The following OSBPL11 variants were observed in gnomAD, a reference collection of about 807,000 sequenced individuals.
OSBPL11 encodes oxysterol binding protein like 11, also known as oxysterol-binding protein-related protein 11.
OSBPL11 carries 33 observed loss-of-function variants against 84.4 expected under a neutral mutation model. The ratio of observed to expected loss-of-function variants is 0.39; its 90% confidence interval spans 0.30 to 0.52. The LOEUF (loss-of-function observed/expected upper bound fraction) is 0.52. OSBPL11 is among the 20% of genes least tolerant of loss of function. OSBPL11 has a pLI of 0.72. For synonymous variants in OSBPL11, 276 were observed against 310.2 expected (o/e 0.89, Z 1.16); for missense variants, 736 against 901.1 (o/e 0.82, Z 2.35).
chr3:125,563,096 A>G (rs1255999254), intron 7 of OSBPL11, among the ~76,000 whole-genome samples: 1 of 152,232 alleles, frequency 6.6e-6, no homozygotes, highest in African/African-American at 2.4e-5. Context: ...TTATCAAGTA[A>G]AAATAGCTTA....
At chr3:125,560,678 T>A (rs2107599553) in intron 7 of OSBPL11, among the ~76,000 whole-genome samples, 159 bp from the exon 8 acceptor site, 1 of 152,370 alleles carries the variant, frequency 6.6e-6, no homozygotes. Context: ...TTGTCCATGG[T>A]ATAAATTTCC....
At chr3:125,577,494 T>C (rs958636981) in intron 4 of OSBPL11, among the ~76,000 whole-genome samples, 2 of 152,126 alleles carry the variant, frequency 1.3e-5, no homozygotes, top group African/African-American at 4.8e-5. Context: ...ATAATAATTT[T>C]TTTAAAGGAC....
intron 11 of OSBPL11, among the ~76,000 whole-genome samples, chr3:125,535,978 CA>C (rs967790055): frequency 6.6e-6 from 1 of 151,296 alleles, no homozygotes; most frequent in African/African-American, 2.4e-5. Context: ...ATTAAAAATA[CA>C]AAAAAATCAG....
intron 10 of OSBPL11, among the ~76,000 whole-genome samples, chr3:125,542,540 A>G (rs1935746634): frequency 7.3e-6 from 1 of 136,230 alleles, no homozygotes. Context: ...ACGTAGCCTC[A>G]CTTTGCCGCC....
intron 10 of OSBPL11, among the ~76,000 whole-genome samples, chr3:125,545,178 ACTGT>A (rs1206032471): frequency 1.1e-4 from 16 of 152,354 alleles, no homozygotes; most frequent in East Asian, 5.8e-4. Context: ...TGAAGAAGAC[ACTGT>A]CTGTTATTTT....
In OSBPL11 at chr3:125,595,029, G is replaced by C. The variant is rs565689503; in HGVS notation, c.-229C>G. 79 of 476,014 alleles carry C rather than the reference G, an allele frequency of 1.7e-4. No homozygotes were observed. Among genetic ancestry groups the C allele is most frequent in the Non-Finnish European group, 2.5e-4 (66 of 265,308 alleles). 29.5% of individuals were successfully genotyped at this position (476,014 alleles called of 1,614,324 possible). On this transcript the variant is annotated 5_prime_UTR_variant, in exon 1 of 13. The change creates a premature stop within an existing upstream ORF in the 5' untranslated region. Transcript: ENST00000296220. Reference sequence around the variant, plus strand: ...CAACGAGGACAGATATCCTTCACATGTATCTCTCTCCTTTCCGGCAAAAGC... The same window carrying C: ...CAACGAGGACAGATATCCTTCACATCTATCTCTCTCCTTTCCGGCAAAAGC...
chr3:125,594,562 T>C (rs770206172), intron 1 of OSBPL11, 75 bp downstream of exon 1: 17 of 1,513,888 alleles, frequency 1.1e-5, no homozygotes, highest in African/African-American at 2.8e-5. Context: ...CTTTCAACAA[T>C]TGCGGGATGC....
rs774720478 is a variant in OSBPL11, at chr3:125,594,801, C to T, written c.-1G>A. On this transcript the variant is annotated 5_prime_UTR_variant, in exon 1 of 13. Transcript: ENST00000296220. ...TGGACACTGGTTCACCCCCCTGCAT[C>T]TTAACGCCAAAGTCCACTTGCCCTT... The T allele has an allele frequency of 2.7e-5, 43 of 1,613,054 alleles. No individual in the cohort carries two copies. Among genetic ancestry groups the T allele is most frequent in the Non-Finnish European group, 3.6e-5 (43 of 1,179,368 alleles).
intron 5 of OSBPL11, 57 bp downstream of exon 5, chr3:125,576,132 A>C: frequency 6.6e-7 from 1 of 1,512,318 alleles, no homozygotes; most frequent in African/African-American, 1.4e-5. Context: ...TTTTGTGACA[A>C]AACCAAGCAG....
At chr3:125,566,108 C>T (rs1371167869) in intron 6 of OSBPL11, among the ~76,000 whole-genome samples, 6 of 152,060 alleles carry the variant, frequency 3.9e-5, no homozygotes, top group African/African-American at 1.2e-4. Context: ...TGGGTTCAAG[C>T]GATTCTCCTG....
chr3:125,593,744 ATCCCT>A (rs1309632869), intron 1 of OSBPL11, among the ~76,000 whole-genome samples: 9 of 152,170 alleles, frequency 5.9e-5, no homozygotes, highest in Admixed American at 3.9e-4. Flanking sequence ...CTTGGCTTTA[ATCCCT>A]TCCAAGTTTC....
At chr3:125,557,132 C>T (rs1936001636) in intron 8 of OSBPL11, among the ~76,000 whole-genome samples, 1 of 151,974 alleles carries the variant, frequency 6.6e-6, no homozygotes, top group African/African-American at 2.4e-5. Flanking sequence ...CTTTAGTTTT[C>T]TAAAATTTTG....
intron 11 of OSBPL11, among the ~76,000 whole-genome samples, chr3:125,535,133 T>C (rs540387607): frequency 6.1e-4 from 92 of 151,970 alleles, no homozygotes; most frequent in Non-Finnish European, 1.1e-3. Context: ...AGAAAAAAGA[T>C]ATTACAAATA....
At chr3:125,560,934 A>G (rs186443009) in intron 7 of OSBPL11, among the ~76,000 whole-genome samples, 129 of 152,084 alleles carry the variant, frequency 8.5e-4, no homozygotes, top group African/African-American at 2.9e-3. Context: ...CCTGACCTCG[A>G]GCGATCCACC....
rs1936656116 is a variant in OSBPL11 at position 125,594,812 on chromosome 3, A to G, written c.-12T>C. The G allele has an allele frequency of 6.2e-7, 1 of 1,612,058 alleles. No homozygotes were observed. Reference sequence around the variant, plus strand: ...TCACCCCCCTGCATCTTAACGCCAAAGTCCACTTGCCCTTCTTGAGCGGGA... The same window carrying G: ...TCACCCCCCTGCATCTTAACGCCAAGGTCCACTTGCCCTTCTTGAGCGGGA... On this transcript the variant is annotated 5_prime_UTR_variant, in exon 1 of 13. Transcript: ENST00000296220.
rs562692887 is a variant in OSBPL11 at position 125,571,911 on chromosome 3, A to T, written c.666+4278T>A. Among the ~76,000 whole-genome samples, 147 of 152,348 alleles carry T rather than the reference A, an allele frequency of 9.6e-4. 1 individual carries two copies. The highest frequency in any genetic ancestry group is 3.4e-3 in the African/African-American group (143 of 41,582). ...TGGGGTACCACTGAGTAGAGCTGTG[A>T]GAAGAGGGCCGCTGTCCTCCAAAAC... is the stretch of plus-strand genomic sequence containing the variant. On this transcript the variant is annotated intron_variant, in intron 5 of 12. Transcript: ENST00000296220.
chr3:125,593,651 C>T (rs1936635532), intron 1 of OSBPL11, among the ~76,000 whole-genome samples: 1 of 151,882 alleles, frequency 6.6e-6, no homozygotes, highest in East Asian at 1.9e-4. Context: ...ATCTTCTATA[C>T]TTCACTTCTA....
At chr3:125,535,529 C>T (rs1170836894) in intron 11 of OSBPL11, among the ~76,000 whole-genome samples, 1 of 149,902 alleles carries the variant, frequency 6.7e-6, no homozygotes, top group Non-Finnish European at 1.5e-5. Flanking sequence ...CTGCAACCTC[C>T]ACCTCCTGGG....
At chr3:125,581,138 G>C (rs1936417784) in intron 2 of OSBPL11, among the ~76,000 whole-genome samples, 1 of 151,498 alleles carries the variant, frequency 6.6e-6, no homozygotes, top group Non-Finnish European at 1.5e-5. Context: ...TGTTGCCCAG[G>C]CTGGAGTGCA....
Sources: allele counts gnomAD v4.1 joint callset (sites outside exome capture counted in the v4.1 genomes callset), GRCh38; gene constraint gnomAD v4.1.1; transcripts MANE v1.5; gene names NCBI Gene and HGNC (gene_info 2026-07-23, HGNC 2026-07-21).